The following DMD variants were observed in gnomAD, a reference collection of about 807,000 sequenced individuals.
DMD encodes the protein dystrophin, also known as mutant dystrophin.
Under a neutral mutation model 330.1 loss-of-function variants are expected in DMD, and 63 were observed. That is an observed-to-expected ratio of 0.19 (90% CI 0.16 to 0.24). DMD has a LOEUF of 0.24. DMD is among the 10% of genes least tolerant of loss of function. The pLI, the probability that DMD is intolerant of heterozygous loss-of-function variation, is 1.00. For missense variants in DMD, 3,344 were observed against 2,684.1 expected, an observed-to-expected ratio of 1.25 and a Z score of -5.43; for synonymous variants, 1,223 against 959.8, an observed-to-expected ratio of 1.27 and a Z score of -5.07.
At chrX:33,234,365 G>T (rs942245580) in intron 1 of DMD, among the ~76,000 whole-genome samples, 3 of 110,737 alleles carry the variant, frequency 2.7e-5, no homozygotes, top group Non-Finnish European at 5.7e-5. Context: ...GTGTGTGTTT[G>T]TGTGTGCGTC....
intron 53 of DMD, among the ~76,000 whole-genome samples, chrX:31,663,195 G>A (rs1387466620): frequency 8.9e-6 from 1 of 111,799 alleles, no homozygotes; most frequent in East Asian, 2.8e-4. Flanking sequence ...CTTTGTCTCC[G>A]TTTCCCACTG....
chrX:32,073,658 G>C (rs1358428854), intron 44 of DMD, among the ~76,000 whole-genome samples: 1 of 111,473 alleles, frequency 9.0e-6, no homozygotes, highest in African/African-American at 3.3e-5. Context: ...AATTTAAACT[G>C]TTAAATATTT....
chrX:32,562,707 CCTT>C (rs1475197522), intron 16 of DMD, among the ~76,000 whole-genome samples: 1 of 112,243 alleles, frequency 8.9e-6, no homozygotes, highest in Admixed American at 9.5e-5. Flanking sequence ...TTGGAATTCT[CCTT>C]ATGTAATTTT....
chrX:32,664,597 G>A (rs768948104), intron 9 of DMD, among the ~76,000 whole-genome samples: 1 of 112,072 alleles, frequency 8.9e-6, no homozygotes, highest in Admixed American at 9.5e-5. Flanking sequence ...ACAAGACTAA[G>A]TTTGACTCAA....
At chrX:32,632,941 T>G (rs895760762) in intron 11 of DMD, among the ~76,000 whole-genome samples, 3 of 112,384 alleles carry the variant, frequency 2.7e-5, no homozygotes, top group African/African-American at 9.7e-5. Context: ...GTATACAAAT[T>G]TTTCTAGCAA....
In DMD at chrX:32,441,268, G is replaced by C; in HGVS notation, c.3833C>G (p.Ala1278Gly). The change falls in exon 28 of 79, where the codon GCA (alanine) becomes GGA (glycine). Residue 1278 changes from alanine to glycine, a missense_variant. By Grantham distance (60) the Ala-to-Gly change is moderately conservative (BLOSUM62 0). Transcript: ENST00000357033. Reference sequence around the variant, plus strand: ...TTCTACTTCATTTAGCCACTTGTTTGCTTTCTCCAAGTATGACAATAACTC... The same window carrying C: ...TTCTACTTCATTTAGCCACTTGTTTCCTTTCTCCAAGTATGACAATAACTC... ...WHELLSYLEK[A>G]NKWLNEVEFK... 1 of 1,208,396 alleles carries C rather than the reference G, an allele frequency of 8.3e-7. No individual in the cohort carries two copies. Among genetic ancestry groups the C allele is most frequent in the South Asian group, 1.8e-5 (1 of 56,933 alleles).
intron 9 of DMD, among the ~76,000 whole-genome samples, chrX:32,662,574 G>C (rs1272502518): frequency 3.6e-5 from 4 of 111,432 alleles, no homozygotes; most frequent in African/African-American, 9.8e-5. Context: ...TTATTAACAC[G>C]GGTTGTTCCG....
intron 1 of DMD, among the ~76,000 whole-genome samples, chrX:33,040,092 A>C (rs1282028206): frequency 1.8e-5 from 2 of 111,452 alleles, no homozygotes. Context: ...ACATTTCAGC[A>C]TCCTTGGAAA....
chrX:33,164,864 T>C (rs2048974364), intron 1 of DMD, among the ~76,000 whole-genome samples: 1 of 110,333 alleles, frequency 9.1e-6, no homozygotes, highest in Admixed American at 9.7e-5. Context: ...TTCAAGAAGA[T>C]ACTACCAATT....
At chrX:33,316,299 A>C (rs1449986372) in intron 1 of DMD, among the ~76,000 whole-genome samples, 1 of 111,060 alleles carries the variant, frequency 9.0e-6, no homozygotes, top group African/African-American at 3.3e-5. Flanking sequence ...TATTAATGTA[A>C]AATTGAACTA....
intron 62 of DMD, among the ~76,000 whole-genome samples, chrX:31,320,908 G>A (rs2056364397): frequency 9.0e-6 from 1 of 111,056 alleles, no homozygotes; most frequent in African/African-American, 3.3e-5. Flanking sequence ...AGGCTTTTAA[G>A]GTCTCCATAC....
At chrX:31,885,611 C>CAAAAAAAAA (rs762289533) in intron 47 of DMD, among the ~76,000 whole-genome samples, 32 of 52,319 alleles carry the variant, frequency 6.1e-4, no homozygotes, top group African/African-American at 7.8e-4. Context: ...CTCCGTCTCA[C>CAAAAAAAAA]AAAAAAAAAA....
intron 16 of DMD, among the ~76,000 whole-genome samples, chrX:32,548,481 A>G (rs777324841): frequency 1.8e-5 from 2 of 111,814 alleles, no homozygotes; most frequent in Non-Finnish European, 3.8e-5. Flanking sequence ...AAACAACCTC[A>G]TGTCATAGAT....
At chrX:31,571,373 C>G (rs1213380120) in intron 55 of DMD, among the ~76,000 whole-genome samples, 1 of 105,370 alleles carries the variant, frequency 9.5e-6, no homozygotes, top group Non-Finnish European at 1.9e-5. Flanking sequence ...AATTGTCTGT[C>G]TGAGTCCTGA....
intron 48 of DMD, among the ~76,000 whole-genome samples, chrX:31,845,420 T>TCTCTCTCTCC (rs2093408072): frequency 1.1e-5 from 1 of 87,836 alleles, no homozygotes; most frequent in Non-Finnish European, 2.2e-5. Flanking sequence ...TCTCTCTCTC[T>TCTCTCTCTCC]CTCTCCCTCT....
chrX:31,786,566 C>T (rs2091310585), intron 50 of DMD, among the ~76,000 whole-genome samples: 2 of 111,403 alleles, frequency 1.8e-5, no homozygotes, highest in African/African-American at 3.3e-5. Context: ...CAGAATATGC[C>T]AGTGCCTCTC....
intron 61 of DMD, among the ~76,000 whole-genome samples, chrX:31,332,454 C>T (rs2148369258): frequency 9.0e-6 from 1 of 111,656 alleles, no homozygotes; most frequent in Admixed American, 9.5e-5. Context: ...AGAGGGGAAA[C>T]AGTATCATAA....
intron 44 of DMD, among the ~76,000 whole-genome samples, chrX:32,050,879 G>T (rs2096106586): frequency 9.1e-6 from 1 of 109,857 alleles, no homozygotes; most frequent in East Asian, 2.9e-4. Context: ...CGTACCTATA[G>T]TCTTCTCTGG....
At chrX:31,168,233 T>C (rs1343759824) in intron 74 of DMD, among the ~76,000 whole-genome samples, 1 of 111,604 alleles carries the variant, frequency 9.0e-6, no homozygotes, top group Non-Finnish European at 1.9e-5. Flanking sequence ...CAAAAGAAGA[T>C]GGCATAGAAA....
Sources: allele counts gnomAD v4.1 joint callset (sites outside exome capture counted in the v4.1 genomes callset), GRCh38; gene constraint gnomAD v4.1.1; transcripts MANE v1.5; gene names NCBI Gene and HGNC (gene_info 2026-07-23, HGNC 2026-07-21).